FAM200C: variants seen among roughly 807,000 people sequenced by gnomAD.
chr5:160,394,389 T>C, the FAM200C span: 2 of 1,613,534 alleles, frequency 1.2e-6, no homozygotes, highest in African/African-American at 1.3e-5. Flanking sequence ...TTAAACTCTT[T>C]ATTTTCAAAG....
the FAM200C span, chr5:160,395,129 A>C: frequency 6.2e-7 from 1 of 1,613,902 alleles, no homozygotes; most frequent in Admixed American, 1.7e-5. Context: ...TGCTATTTCC[A>C]GTGCACAAGG....
the FAM200C span, among the ~76,000 whole-genome samples, chr5:160,398,062 T>C: frequency 1.3e-5 from 2 of 151,940 alleles, no homozygotes; most frequent in African/African-American, 4.8e-5. Context: ...GCCAACATAG[T>C]GAAACTCTGT....
chr5:160,397,229 A>G, the FAM200C span, among the ~76,000 whole-genome samples: 1 of 152,176 alleles, frequency 6.6e-6, no homozygotes, highest in African/African-American at 2.4e-5. Context: ...GGGAATAAAA[A>G]CGTATCCTTC....
At chr5:160,397,376 A>G in the FAM200C span, 2 of 152,240 alleles carry the variant, frequency 1.3e-5, no homozygotes, top group Non-Finnish European at 2.9e-5. Flanking sequence ...TGAAAGCCAT[A>G]TCTTTTCTCT....
At chr5:160,394,177 A>G in the FAM200C span, 2 of 1,612,114 alleles carry the variant, frequency 1.2e-6, no homozygotes, top group South Asian at 2.2e-5. Context: ...ATATGCCTTC[A>G]TTATCTGAAA....
the FAM200C span, among the ~76,000 whole-genome samples, chr5:160,399,350 C>G: frequency 6.6e-6 from 1 of 152,204 alleles, no homozygotes; most frequent in Admixed American, 6.5e-5. Flanking sequence ...TATATTCCAG[C>G]AGTGAAAACA....
At chr5:160,393,405 T>C in the FAM200C span, 4 of 285,126 alleles carry the variant, frequency 1.4e-5, no homozygotes, top group Admixed American at 5.1e-5. Context: ...ATTCCTAGCC[T>C]ATTGCACCAT....
chr5:160,395,446 C>A, the FAM200C span: 1 of 1,614,144 alleles, frequency 6.2e-7, no homozygotes, highest in South Asian at 1.1e-5. Context: ...TACAGGTGAA[C>A]CAGTAGCGAA....
chr5:160,400,014 A>ACCTCCGCCTCAG, the FAM200C span: 1 of 152,078 alleles, frequency 6.6e-6, no homozygotes, highest in East Asian at 1.9e-4. Context: ...ATCCGCAACA[A>ACCTCCGCCTCAG]CCTCCGCCTC....
At chr5:160,395,655 C>T in the FAM200C span, 84 of 639,772 alleles carry the variant, frequency 1.3e-4, no homozygotes, top group Non-Finnish European at 1.9e-4. Context: ...CATGTCAATT[C>T]GAAGTAAGCC....
At chr5:160,394,754 G>A in the FAM200C span, 2 of 1,614,104 alleles carry the variant, frequency 1.2e-6, no homozygotes, top group Non-Finnish European at 1.7e-6. Context: ...TAGCATAGAG[G>A]AGGCACCATC....
the FAM200C span, among the ~76,000 whole-genome samples, chr5:160,396,946 C>A: frequency 6.6e-6 from 1 of 152,186 alleles, no homozygotes; most frequent in Non-Finnish European, 1.5e-5. Flanking sequence ...GAAGGCCCTA[C>A]CCATAGAGAT....
At chr5:160,395,370 C>A in the FAM200C span, 1 of 1,614,104 alleles carries the variant, frequency 6.2e-7, no homozygotes, top group East Asian at 2.2e-5. Context: ...GGTCTGAGGT[C>A]AGCATTTGAA....
the FAM200C span, among the ~76,000 whole-genome samples, chr5:160,399,442 T>C: frequency 6.6e-6 from 1 of 152,348 alleles, no homozygotes; most frequent in East Asian, 1.9e-4. Context: ...AAGATCATGA[T>C]AGGCGCAGGT....
the FAM200C span, chr5:160,394,174 T>G: frequency 6.2e-7 from 1 of 1,612,068 alleles, no homozygotes; most frequent in Non-Finnish European, 8.5e-7. Flanking sequence ...TGAATATGCC[T>G]TCATTATCTG....
the FAM200C span, among the ~76,000 whole-genome samples, chr5:160,397,252 A>G: frequency 6.6e-6 from 1 of 152,232 alleles, no homozygotes; most frequent in Non-Finnish European, 1.5e-5. Flanking sequence ...ACCAATCCTT[A>G]GCTAACAAAT....
chr5:160,393,971 T>G, the FAM200C span: 1 of 1,613,716 alleles, frequency 6.2e-7, no homozygotes, highest in African/African-American at 1.3e-5. Context: ...TGTCTCAAAT[T>G]CCATTAGGAT....
chr5:160,395,982 G>A, the FAM200C span, among the ~76,000 whole-genome samples: 3 of 152,132 alleles, frequency 2.0e-5, no homozygotes, highest in Non-Finnish European at 4.4e-5. Flanking sequence ...AGGAAGGGTG[G>A]ATTCTGACAT....
At chr5:160,396,805 G>C in the FAM200C span, among the ~76,000 whole-genome samples, 1 of 150,700 alleles carries the variant, frequency 6.6e-6, no homozygotes, top group East Asian at 2.0e-4. Context: ...ACACTCTTAA[G>C]TAAAATAACG....
Sources: allele counts gnomAD v4.1 joint callset (sites outside exome capture counted in the v4.1 genomes callset), GRCh38; gene constraint gnomAD v4.1.1; transcripts MANE v1.5.